Variants in ANTXR2 observed in about 807,000 individuals in gnomAD.
ANTXR2 encodes ANTXR cell adhesion molecule 2.
Under a neutral mutation model 73.7 loss-of-function variants are expected in ANTXR2, and 44 were observed. The ratio of observed to expected loss-of-function variants is 0.60; its 90% CI spans 0.47 to 0.77. The LOEUF is 0.77. Ranked by LOEUF, ANTXR2 falls within the 30% of genes least tolerant of loss-of-function variation. The pLI is 0.00. For missense variants in ANTXR2, 604 were observed against 592.5 expected, an observed-to-expected ratio of 1.02 and a Z score of -0.20; for synonymous variants, 217 against 205.9, an observed-to-expected ratio of 1.05 and a Z score of -0.46.
At chr4:79,924,115 G>C (rs959879130) in intron 16 of ANTXR2, among the ~76,000 whole-genome samples, 3 of 151,998 alleles carry the variant, frequency 2.0e-5, no homozygotes, top group African/African-American at 7.3e-5. Flanking sequence ...GTAGCCAACA[G>C]GTAGTTTTTC....
intron 12 of ANTXR2, among the ~76,000 whole-genome samples, chr4:80,006,265 A>T (rs1354812753): frequency 1.3e-5 from 2 of 151,914 alleles, no homozygotes; most frequent in Non-Finnish European, 2.9e-5. Flanking sequence ...TTTCCATATC[A>T]TATTATAAGC....
At chr4:79,997,574 T>G (rs560037719) in intron 12 of ANTXR2, among the ~76,000 whole-genome samples, 71 of 152,074 alleles carry the variant, frequency 4.7e-4, no homozygotes, top group Admixed American at 1.3e-3. Context: ...ACAAAGTATC[T>G]AACTTCAACA....
chr4:79,917,939 A>T (rs566712912), intron 16 of ANTXR2, among the ~76,000 whole-genome samples: 1 of 152,232 alleles, frequency 6.6e-6, no homozygotes, highest in Non-Finnish European at 1.5e-5. Flanking sequence ...TATGATAAAA[A>T]TAATAAAAGA....
chr4:79,937,249 C>T lies in ANTXR2; in HGVS notation c.1429-29782G>A, dbSNP rs370598125. On this transcript the variant is annotated intron_variant, in intron 16 of 16. Coordinates refer to ENST00000403729, the MANE Select transcript of ANTXR2 (RefSeq NM_058172.6). Reference sequence around the variant, plus strand: ...CAATAGGAAAACCTCAAAAGATTCACATTTGGCTCAACTAAGTTCCTTGAA... The same window carrying T: ...CAATAGGAAAACCTCAAAAGATTCATATTTGGCTCAACTAAGTTCCTTGAA... Among the ~76,000 whole-genome samples the T allele has an allele frequency of 1.4e-4, 22 of 152,140 alleles. No homozygotes were observed. In the South Asian group the frequency reaches 3.1e-3, roughly 22 times the overall value.
At chr4:79,997,431 T>C (rs1468330103) in intron 12 of ANTXR2, among the ~76,000 whole-genome samples, 1 of 151,902 alleles carries the variant, frequency 6.6e-6, no homozygotes, top group African/African-American at 2.4e-5. Flanking sequence ...CTTTAAAATA[T>C]ATGGGGGTCT....
intron 3 of ANTXR2, among the ~76,000 whole-genome samples, chr4:80,058,616 C>T (rs563625780): frequency 3.3e-5 from 5 of 151,224 alleles, no homozygotes; most frequent in Non-Finnish European, 5.9e-5. Flanking sequence ...AAACAGTTAA[C>T]GGTGAAAAAG....
At chr4:80,058,674 A>C (rs1231190764) in intron 3 of ANTXR2, among the ~76,000 whole-genome samples, 1 of 92,614 alleles carries the variant, frequency 1.1e-5, no homozygotes, top group Non-Finnish European at 2.4e-5. Context: ...TCCCCACTGT[A>C]ATGTTAAAAA....
intron 3 of ANTXR2, among the ~76,000 whole-genome samples, chr4:80,056,922 G>C (rs540685278): frequency 1.3e-5 from 2 of 151,902 alleles, no homozygotes; most frequent in South Asian, 4.2e-4. Flanking sequence ...TAAAAGATAA[G>C]TAAAATAATG....
chr4:79,916,915 T>C (rs1204960358), intron 16 of ANTXR2, among the ~76,000 whole-genome samples: 1 of 152,022 alleles, frequency 6.6e-6, no homozygotes, highest in African/African-American at 2.4e-5. Flanking sequence ...CGTTTGAAAA[T>C]AAAATTGGTT....
chr4:80,069,576 G>C lies in ANTXR2; in HGVS notation c.225-69C>G, dbSNP rs1031208627. On this transcript the variant is annotated intron_variant, in intron 2 of 16. Coordinates refer to ENST00000403729, the MANE Select transcript of ANTXR2 (RefSeq NM_058172.6). ...AATATTGATACGATACAGATGTATA[G>C]TTAGGGAGGTTCATTTAAAATTGGT... 13 of 1,237,578 alleles carry C rather than the reference G, an allele frequency of 1.1e-5. No homozygotes were observed. In the East Asian group the frequency reaches 3.3e-4, roughly 31 times the overall value. 76.7% of individuals were successfully genotyped at this position (1,237,578 alleles called of 1,614,324 possible).
chr4:79,995,327 T>C (rs1030998160), intron 12 of ANTXR2, among the ~76,000 whole-genome samples: 3 of 131,284 alleles, frequency 2.3e-5, no homozygotes, highest in African/African-American at 7.4e-5. Context: ...CTGAGAACGT[T>C]CACAAAAAAT....
At chr4:80,069,171 G>C (rs1472085933) in intron 3 of ANTXR2, among the ~76,000 whole-genome samples, 3 of 151,290 alleles carry the variant, frequency 2.0e-5, no homozygotes, top group Non-Finnish European at 4.4e-5. Flanking sequence ...AGAGAGGCCG[G>C]GGAAGGTAGG....
intron 12 of ANTXR2, among the ~76,000 whole-genome samples, chr4:79,997,577 C>T (rs1730788831): frequency 6.6e-6 from 1 of 151,870 alleles, no homozygotes; most frequent in African/African-American, 2.4e-5. Flanking sequence ...AAGTATCTAA[C>T]TTCAACATCT....
At chr4:80,002,405 T>C (rs1731090968) in intron 12 of ANTXR2, among the ~76,000 whole-genome samples, 1 of 152,068 alleles carries the variant, frequency 6.6e-6, no homozygotes, top group Non-Finnish European at 1.5e-5. Context: ...ATACAAAAAT[T>C]AATTCAAGAT....
chr4:80,011,363 A>G (rs1299047454), intron 11 of ANTXR2, among the ~76,000 whole-genome samples: 4 of 151,934 alleles, frequency 2.6e-5, no homozygotes, highest in Non-Finnish European at 5.9e-5. Context: ...TCATCTATCT[A>G]TCTGATGACT....
intron 7 of ANTXR2, among the ~76,000 whole-genome samples, chr4:80,044,408 A>C (rs1733419700): frequency 6.6e-6 from 1 of 151,952 alleles, no homozygotes; most frequent in African/African-American, 2.4e-5. Flanking sequence ...AAAAACATAC[A>C]CAATGGATAT....
intron 3 of ANTXR2, among the ~76,000 whole-genome samples, chr4:80,060,428 A>G (rs554433018): frequency 6.6e-6 from 1 of 152,288 alleles, no homozygotes; most frequent in Admixed American, 6.5e-5. Context: ...TGAATTACCT[A>G]TTTTGCCAGT....
intron 12 of ANTXR2, 24 bp downstream of exon 12, chr4:80,008,497 G>C: frequency 6.5e-7 from 1 of 1,548,146 alleles, no homozygotes; most frequent in Non-Finnish European, 8.8e-7. Context: ...TTTTTAAGTA[G>C]AGTTGTAAAT....
intron 12 of ANTXR2, 37 bp downstream of exon 12, chr4:80,008,483 AT>A (rs754147730): frequency 3.3e-5 from 49 of 1,493,858 alleles, no homozygotes; most frequent in South Asian, 8.5e-5. Flanking sequence ...CATCTTTCTA[AT>A]TTTTTTTAAG....
Sources: allele counts gnomAD v4.1 joint callset (sites outside exome capture counted in the v4.1 genomes callset), GRCh38; gene constraint gnomAD v4.1.1; transcripts MANE v1.5; gene names NCBI Gene and HGNC (gene_info 2026-07-23, HGNC 2026-07-21).